Variants in PDZD2 observed in about 807,000 individuals in gnomAD.
The protein encoded by PDZD2 is PDZ domain-containing protein 2.
PDZD2 carries 90 observed loss-of-function variants against 220.7 expected under a neutral mutation model. The observed-to-expected ratio is 0.41, with a 90% CI of 0.34 to 0.49. The LOEUF is 0.49. PDZD2 is among the 20% of genes least tolerant of loss of function. PDZD2 has a pLI of 0.28. For missense variants in PDZD2, 3,174 were observed against 3,608.5 expected (o/e 0.88, Z 3.08); for synonymous variants, 1,375 against 1,450.5 (o/e 0.95, Z 1.18).
chr5:31,959,529 T>A (rs1183548590), intron 2 of PDZD2, among the ~76,000 whole-genome samples: 1 of 151,924 alleles, frequency 6.6e-6, no homozygotes, highest in Admixed American at 6.6e-5. Flanking sequence ...CAGTTAATTT[T>A]TGTATTTTTA....
intron 2 of PDZD2, among the ~76,000 whole-genome samples, chr5:31,898,746 C>T (rs1198055933): frequency 1.3e-5 from 2 of 151,312 alleles, no homozygotes; most frequent in African/African-American, 2.4e-5. Context: ...TGTGGGAACT[C>T]ACCAGACAGG....
intron 2 of PDZD2, among the ~76,000 whole-genome samples, chr5:31,859,096 G>C (rs1000061447): frequency 6.6e-6 from 1 of 151,878 alleles, no homozygotes; most frequent in Non-Finnish European, 1.5e-5. Flanking sequence ...AGTGGACTCA[G>C]CATGAGGACC....
intron 2 of PDZD2, among the ~76,000 whole-genome samples, chr5:31,900,801 G>A (rs1742025837): frequency 6.6e-6 from 1 of 152,100 alleles, no homozygotes; most frequent in Non-Finnish European, 1.5e-5. Context: ...GTTTATCTGT[G>A]TAATAGACTT....
intron 6 of PDZD2, among the ~76,000 whole-genome samples, chr5:32,035,244 C>T (rs991713751): frequency 5.3e-5 from 8 of 151,596 alleles, no homozygotes; most frequent in Non-Finnish European, 5.9e-5. Flanking sequence ...TTACTTTATA[C>T]GTTTTTATGT....
chr5:31,727,180 T>C (rs187716051), intron 1 of PDZD2, among the ~76,000 whole-genome samples: 33 of 152,300 alleles, frequency 2.2e-4, no homozygotes, highest in Non-Finnish European at 4.7e-4. Context: ...CATTTTAATA[T>C]GAGATTTCAG....
chr5:32,041,202 C>T (rs1386236018), intron 7 of PDZD2, among the ~76,000 whole-genome samples: 7 of 148,366 alleles, frequency 4.7e-5, no homozygotes, highest in Admixed American at 2.7e-4. Context: ...CCGGCCGCCC[C>T]GTCTGGGAGG....
chr5:31,881,724 AT>A (rs953857567), intron 2 of PDZD2, among the ~76,000 whole-genome samples: 4 of 145,610 alleles, frequency 2.7e-5, no homozygotes, highest in South Asian at 2.2e-4. Flanking sequence ...ATACACACAC[AT>A]TTTTTTTTGA....
At position 32,087,401 on chromosome 5, in the gene PDZD2, G is replaced by C. The variant is rs1742584882; in HGVS notation, c.3953G>C (p.Arg1318Thr). ...ASETSTPHNTRRVAALRGAGP... is the reference protein window; with the variant it reads ...ASETSTPHNTTRVAALRGAGP... ...GAAACCAGCACACCCCACAATACCA[G>C]GAGGGTGGCTGCCCTCAGGGGAGCG... The change falls in exon 20 of 25, where the codon AGG becomes ACG. Residue 1318 changes from arginine (R) to threonine (T), a missense_variant. Around this residue, in one of 4 missense-constraint regions of PDZD2, gnomAD observed 1,861 missense variants for 2,001.0 expected, o/e 0.93. Transcript: ENST00000438447. This position sits in a 1 kb window ranked among gnomAD's most constrained non-coding sequence, Gnocchi z 4.0. 1 of 1,614,164 alleles carries C rather than the reference G, an allele frequency of 6.2e-7. No homozygotes were observed. The highest frequency in any genetic ancestry group is 8.5e-7 in the Non-Finnish European group (1 of 1,180,014).
At chr5:31,792,672 C>T (rs185999215) in intron 1 of PDZD2, among the ~76,000 whole-genome samples, 1 of 151,988 alleles carries the variant, frequency 6.6e-6, no homozygotes, top group Non-Finnish European at 1.5e-5. Context: ...CCCACCTCAG[C>T]TTCCCAAAGT....
intron 5 of PDZD2, among the ~76,000 whole-genome samples, chr5:32,006,265 CATT>C (rs1409036013): frequency 6.6e-6 from 1 of 151,590 alleles, no homozygotes; most frequent in African/African-American, 2.4e-5. Context: ...TTATTACATA[CATT>C]ATTAATATAG....
chr5:31,934,408 C>T (rs1255599971), intron 2 of PDZD2, among the ~76,000 whole-genome samples: 1 of 151,970 alleles, frequency 6.6e-6, no homozygotes, highest in East Asian at 1.9e-4. Flanking sequence ...ACTAATCCTC[C>T]CATTAGTTCT....
chr5:32,080,441 A>G (rs1228335388), intron 19 of PDZD2, among the ~76,000 whole-genome samples: 1 of 151,858 alleles, frequency 6.6e-6, no homozygotes, highest in African/African-American at 2.4e-5. Context: ...TCACCTTTCA[A>G]AGTAAGGCTT....
rs375644140 is a variant in PDZD2, at chr5:31,645,595, G to A, written c.-361+6158G>A. 1.2e-4 allele frequency among the ~76,000 whole-genome samples: 18 copies of A among 152,130 alleles called. No homozygotes were observed. The South Asian group carries it at 3.3e-3, about 28-fold the overall frequency. ...TGTGATCCGCCTGCCTTGGCCTCCC[G>A]AGGTGCTGAGATTACAGGCGTGAGC... On this transcript the variant is annotated intron_variant, in intron 1 of 24. Coordinates refer to ENST00000438447, the MANE Select transcript of PDZD2 (RefSeq NM_178140.4).
At chr5:31,677,168 G>A (rs1454083918) in intron 1 of PDZD2, among the ~76,000 whole-genome samples, 2 of 152,204 alleles carry the variant, frequency 1.3e-5, no homozygotes, top group Non-Finnish European at 2.9e-5. Context: ...GCCAGGAAGG[G>A]TTGCATTACT....
At position 32,052,719 on chromosome 5, in the gene PDZD2, GAA is replaced by G; in HGVS notation, c.1778_1779del (p.Lys593ArgfsTer7). The stretch of plus-strand genomic sequence containing the variant: ...CATCTCGATCATTGGGTTGTACAAA[GAA>G]AAAGGCAAGGTGAGCTCTTTTCTGC... The part of the protein sequence containing the change: ...SVISIIGLYK[E>X]KGKGLGFSIA... On this transcript the variant is annotated frameshift_variant, in exon 9 of 25. Transcript: ENST00000438447. LOFTEE classifies it high-confidence loss of function. The G allele has an allele frequency of 6.2e-7, 1 of 1,614,090 alleles. No individual in the cohort carries two copies. The highest frequency in any genetic ancestry group is 8.5e-7 in the Non-Finnish European group (1 of 1,179,932).
At chr5:31,840,483 C>T in intron 2 of PDZD2, 1 of 269,394 alleles carries the variant, frequency 3.7e-6, no homozygotes, top group Non-Finnish European at 6.8e-6. Context: ...TTTTTTTTAA[C>T]AGTAGCTATT....
intron 1 of PDZD2, among the ~76,000 whole-genome samples, chr5:31,703,204 G>T (rs532230992): frequency 6.6e-6 from 1 of 152,340 alleles, no homozygotes; most frequent in East Asian, 1.9e-4. Context: ...CTGAATTACA[G>T]AGTGCTTTAG....
At chr5:31,988,205 C>T (rs534056961) in intron 3 of PDZD2, among the ~76,000 whole-genome samples, 35 of 152,320 alleles carry the variant, frequency 2.3e-4, no homozygotes, top group African/African-American at 7.7e-4. Context: ...AGCTGAAACC[C>T]GTTTGGTGGG....
intron 2 of PDZD2, among the ~76,000 whole-genome samples, chr5:31,942,015 T>C (rs376687016): frequency 1.3e-5 from 2 of 152,324 alleles, no homozygotes; most frequent in South Asian, 2.1e-4. Flanking sequence ...ACCTAAGCAG[T>C]CTTGAAGCCA....
Sources: allele counts gnomAD v4.1 joint callset (sites outside exome capture counted in the v4.1 genomes callset), GRCh38; gene constraint gnomAD v4.1.1; regional missense constraint gnomAD v4.1.1; non-coding constraint Gnocchi (gnomAD v3.1); transcripts MANE v1.5; gene names NCBI Gene and HGNC (gene_info 2026-07-23, HGNC 2026-07-21).